Variants in MYO18A observed in about 807,000 individuals in gnomAD.
The protein encoded by MYO18A is unconventional myosin-XVIIIa.
MYO18A carries 78 observed loss-of-function variants against 235.8 expected under a neutral mutation model. That is an observed-to-expected ratio of 0.33 (90% CI 0.28 to 0.40). The LOEUF is 0.40. MYO18A is among the 10% of genes least tolerant of loss of function. MYO18A has a pLI of 1.00. For missense variants in MYO18A, 2,215 were observed against 2,699.3 expected (o/e 0.82, Z 3.98); for synonymous variants, 977 against 1,077.8 (o/e 0.91, Z 1.83).
rs774255384 is a variant in MYO18A, at chr17:29,107,163, C to T, written c.3358G>A (p.Glu1120Lys). The change falls in exon 20 of 42, where the codon GAG (glutamate) becomes AAG (lysine). Residue 1120 changes from glutamate (E) to lysine (K), a missense_variant. Glu to Lys is a moderately conservative substitution (Grantham distance 56). Transcript: ENST00000527372. ...AGGACATCAAAGCGGCGGCGGAACT[C>T]GGAAAACACCATGTGGTCAGGGTAA... ...QGYPDHMVFS[E>K]FRRRFDVLAP... 3.1e-6 allele frequency: 5 copies of T among 1,613,968 alleles called. No individual in the cohort carries two copies. The highest frequency in any genetic ancestry group is 3.4e-6 in the Non-Finnish European group (4 of 1,179,874).
intron 2 of MYO18A, among the ~76,000 whole-genome samples, chr17:29,139,367 G>C (rs2067680521): frequency 6.6e-6 from 1 of 152,136 alleles, no homozygotes; most frequent in South Asian, 2.1e-4. Context: ...GGCTGGGGGA[G>C]AGTACCCTAG....
intron 2 of MYO18A, among the ~76,000 whole-genome samples, chr17:29,153,417 AC>A (rs757931326): frequency 1.7e-3 from 264 of 152,346 alleles, no homozygotes; most frequent in Non-Finnish European, 2.9e-3. Context: ...TGTTGGGGTT[AC>A]AGGCATGAAC....
In MYO18A at chr17:29,111,653, G is replaced by A. The variant is rs1258606173; in HGVS notation, c.2740+69C>T. 6.2e-7 allele frequency: 1 copy of A among 1,611,520 alleles called. No homozygotes were observed. Among genetic ancestry groups the A allele is most frequent in the Non-Finnish European group, 8.5e-7 (1 of 1,178,342 alleles). On this transcript the variant is annotated intron_variant, in intron 16 of 41. Transcript: ENST00000527372. The surrounding 1 kb of genome is among the most constrained non-coding windows in gnomAD (Gnocchi z 5.1). Reference sequence around the variant, plus strand: ...CAAAGTGACCCCCGCCCCCTCCCAGGGAGTGCCACCTGGACCCACCTGTAT... The same window carrying A: ...CAAAGTGACCCCCGCCCCCTCCCAGAGAGTGCCACCTGGACCCACCTGTAT...
In MYO18A at chr17:29,093,397, C is replaced by T. The variant is rs1459558774; in HGVS notation, c.4852G>A (p.Glu1618Lys). 6 of 1,612,008 alleles carry T rather than the reference C, an allele frequency of 3.7e-6. No individual in the cohort carries two copies. Among genetic ancestry groups the T allele is most frequent in the Non-Finnish European group, 5.1e-6 (6 of 1,179,832 alleles). Residue 1618 changes from glutamate to lysine, a missense_variant, in exon 32 of 42, where the codon GAG becomes AAG. Physicochemically the swap from Glu to Lys is moderately conservative, Grantham distance 56. Coordinates refer to ENST00000527372, the MANE Select transcript of MYO18A (RefSeq NM_078471.4). ...LKQMEVQLEE[E>K]YEDKQKVLRE... ...AGAACCTTCTGCTTGTCCTCATACT[C>T]TTCCTCTAGCTGCACCTCCATCTGT... is the stretch of plus-strand genomic sequence containing the variant.
Position 29,073,986 on chromosome 17 carries a change from T to C in MYO18A, c.*784A>G, listed in dbSNP as rs971162115. 1.9e-6 allele frequency: 3 copies of C among 1,613,544 alleles called. No individual in the cohort carries two copies. The highest frequency in any genetic ancestry group is 1.7e-5 in the Admixed American group (1 of 59,972). On this transcript the variant is annotated 3_prime_UTR_variant, in exon 42 of 42. Transcript: ENST00000527372. Reference sequence around the variant, plus strand: ...TTTACCTTAAATAGGTCATTGCACATAACACGCTGAGACAAAGAGGGTGGG... The same window carrying C: ...TTTACCTTAAATAGGTCATTGCACACAACACGCTGAGACAAAGAGGGTGGG...
Position 29,118,303 on chromosome 17 carries a change from C to T in MYO18A, c.1893+74G>A. On this transcript the variant is annotated intron_variant, in intron 9 of 41. Transcript: ENST00000527372. This position sits in a 1 kb window ranked among gnomAD's most constrained non-coding sequence, Gnocchi z 4.2. ...CAGCTGGAGCTGGGCTCCCACTATT[C>T]CCACAGGACCCATGGAGGCTTCTCC... The T allele has an allele frequency of 6.4e-7, 1 of 1,560,120 alleles. No homozygotes were observed. Among genetic ancestry groups the T allele is most frequent in the South Asian group, 1.2e-5 (1 of 85,496 alleles).
intron 17 of MYO18A, 146 bp from the exon 18 acceptor site, chr17:29,110,768 C>A: frequency 1.2e-6 from 1 of 800,020 alleles, no homozygotes; most frequent in Non-Finnish European, 1.9e-6. Flanking sequence ...TGCCCCACAC[C>A]CTACAGAGAA....
At chr17:29,085,743 C>G (rs1017546500) in intron 39 of MYO18A, 95 bp from the exon 40 acceptor site, 1 of 1,266,094 alleles carries the variant, frequency 7.9e-7, no homozygotes, top group African/African-American at 1.5e-5. Context: ...GAAGACCTCT[C>G]TTCCCTCAGC....
Position 29,082,410 on chromosome 17 carries a change from G to A in MYO18A, c.5926C>T (p.Leu1976=). The A allele has an allele frequency of 1.2e-6, 2 of 1,613,668 alleles. No individual in the cohort carries two copies. Among genetic ancestry groups the A allele is most frequent in the Non-Finnish European group, 1.7e-6 (2 of 1,179,864 alleles). ...LEGDSDVDSE[L]EDRVDGVKSW... ...TTGACCCCGTCAACACGGTCCTCCA[G>A]CTCCGAGTCCACATCAGAGTCTCCC... is the stretch of plus-strand genomic sequence containing the variant. Residue 1976 remains leucine (L), a synonymous_variant, in exon 41 of 42, where the codon CTG becomes TTG. Coordinates refer to ENST00000527372, the MANE Select transcript of MYO18A (RefSeq NM_078471.4).
chr17:29,098,124 T>C lies in MYO18A; in HGVS notation c.3971A>G (p.Lys1324Arg), dbSNP rs1415094686. The C allele has an allele frequency of 1.9e-6, 3 of 1,613,536 alleles. No individual in the cohort carries two copies. Reference sequence around the variant, plus strand: ...CCTCACCTGCAGTTCCTTCATCTCCTTCTCAGCCCGGAGCCTCTCTGCTGT... The same window carrying C: ...CCTCACCTGCAGTTCCTTCATCTCCCTCTCAGCCCGGAGCCTCTCTGCTGT... The part of the protein sequence containing the change: ...AETAERLRAE[K>R]EMKELQTQYD... The change falls in exon 25 of 42, where the codon AAG (lysine) becomes AGG (arginine). Residue 1324 changes from lysine to arginine, a missense_variant. By Grantham distance (26) the Lys-to-Arg change is conservative. Transcript: ENST00000527372.
chr17:29,119,585 A>C, intron 7 of MYO18A, 150 bp from the exon 8 acceptor site: 95 of 561,620 alleles, frequency 1.7e-4, no homozygotes, highest in East Asian at 3.4e-4. Context: ...AAGATTTGAG[A>C]TGGAGTCTCA....
Position 29,118,364 on chromosome 17 carries a change from A to C in MYO18A, c.1893+13T>G. On this transcript the variant is annotated intron_variant, in intron 9 of 41. Transcript: ENST00000527372. This position sits in a 1 kb window ranked among gnomAD's most constrained non-coding sequence, Gnocchi z 4.2. ...GCCCAGGGCTGGCAACCCAGACCCC[A>C]CAGACCCCTCACCTTGGCCAGTGGC... 6.2e-7 allele frequency: 1 copy of C among 1,600,648 alleles called. No individual in the cohort carries two copies. The highest frequency in any genetic ancestry group is 8.5e-7 in the Non-Finnish European group (1 of 1,169,854).
At chr17:29,089,518 G>T (rs1056303000) in intron 37 of MYO18A, among the ~76,000 whole-genome samples, 1 of 151,308 alleles carries the variant, frequency 6.6e-6, no homozygotes, top group Non-Finnish European at 1.5e-5. Context: ...GAGACAGGAG[G>T]GCAGAAGAAG....
Position 29,086,467 on chromosome 17 carries a change from C to G in MYO18A, c.5823G>C (p.Glu1941Asp). ...TGATGAGGTCCTCATTCTCATCACT[C>G]TCCATCTCATCCTCAATGGCAGCCT... ...DLQAAIEDEM[E>D]SDENEDLINS... Residue 1941 changes from glutamate to aspartate, a missense_variant, in exon 39 of 42, where the codon GAG (glutamate) becomes GAC (aspartate). Transcript: ENST00000527372. 9 of 1,607,908 alleles carry G rather than the reference C, an allele frequency of 5.6e-6. No individual in the cohort carries two copies. The highest frequency in any genetic ancestry group is 7.6e-6 in the Non-Finnish European group (9 of 1,177,030).
chr17:29,109,073 G>A lies in MYO18A; in HGVS notation c.3331+785C>T, dbSNP rs2066864048. ...GAATGCCTGAAGGGGACCTGGCTGTGGGTGGGTGGGACCCTACCTGCTCTT... is the reference window on the plus strand; with the variant it reads ...GAATGCCTGAAGGGGACCTGGCTGTAGGTGGGTGGGACCCTACCTGCTCTT... On this transcript the variant is annotated intron_variant, in intron 19 of 41. Coordinates refer to ENST00000527372, the MANE Select transcript of MYO18A (RefSeq NM_078471.4). This position sits in a 1 kb window ranked among gnomAD's most constrained non-coding sequence, Gnocchi z 4.1. Among the ~76,000 whole-genome samples the A allele has an allele frequency of 6.6e-6, 1 of 152,008 alleles. No individual in the cohort carries two copies. The highest frequency in any genetic ancestry group is 2.1e-4 in the South Asian group (1 of 4,820).
intron 35 of MYO18A, 66 bp from the exon 36 acceptor site, chr17:29,090,681 T>A (rs1174953652): frequency 6.4e-7 from 1 of 1,567,830 alleles, no homozygotes; most frequent in Non-Finnish European, 8.7e-7. Flanking sequence ...CCAGCCCAGC[T>A]GGAACACCAG....
intron 10 of MYO18A, 148 bp from the exon 11 acceptor site, chr17:29,116,603 T>G: frequency 2.0e-6 from 1 of 504,788 alleles, no homozygotes; most frequent in Non-Finnish European, 3.3e-6. Flanking sequence ...CAGTCAGACT[T>G]GGGACAAACG....
intron 2 of MYO18A, among the ~76,000 whole-genome samples, chr17:29,159,329 C>G (rs569587180): frequency 6.6e-6 from 1 of 152,176 alleles, no homozygotes; most frequent in South Asian, 2.1e-4. Context: ...TGCCCCCAGC[C>G]CTTCATTACC....
Position 29,109,475 on chromosome 17 carries a change from G to T in MYO18A, c.3331+383C>A, listed in dbSNP as rs1279798230. 6.6e-6 allele frequency among the ~76,000 whole-genome samples: 1 copy of T among 152,206 alleles called. No homozygotes were observed. Among genetic ancestry groups the T allele is most frequent in the Non-Finnish European group, 1.5e-5 (1 of 68,042 alleles). ...ATTTTAAGTACTTCAGAAAGATTTA[G>T]CACCTCATTTCTCACTGGGCAGATG... On this transcript the variant is annotated intron_variant, in intron 19 of 41. Coordinates refer to ENST00000527372, the MANE Select transcript of MYO18A (RefSeq NM_078471.4). This position sits in a 1 kb window ranked among gnomAD's most constrained non-coding sequence, Gnocchi z 4.1.
Sources: allele counts gnomAD v4.1 joint callset (sites outside exome capture counted in the v4.1 genomes callset), GRCh38; gene constraint gnomAD v4.1.1; non-coding constraint Gnocchi (gnomAD v3.1); transcripts MANE v1.5; gene names NCBI Gene and HGNC (gene_info 2026-07-23, HGNC 2026-07-21).